The following ROBO1 variants were observed in gnomAD, a reference collection of about 807,000 sequenced individuals.
ROBO1 encodes the protein roundabout homolog 1.
In ROBO1, 149 loss-of-function variants were observed where a neutral mutation model predicts 195.9. The observed-to-expected ratio is 0.76, with a 90% CI of 0.67 to 0.87. ROBO1 has a LOEUF of 0.87. Among genes scored for constraint, ROBO1 ranks in the 40% least tolerant of loss-of-function variants. The probability of loss-of-function intolerance (pLI) is 0.00; values close to 1 mark genes in which losing one functional copy is unlikely to be tolerated. For missense variants in ROBO1, 1,933 were observed against 2,068.3 expected, an observed-to-expected ratio of 0.93 and a Z score of 1.27; for synonymous variants, 816 against 733.2, an observed-to-expected ratio of 1.11 and a Z score of -1.82.
chr3:79,290,507 T>C (rs895208879), intron 2 of ROBO1, among the ~76,000 whole-genome samples: 1 of 152,128 alleles, frequency 6.6e-6, no homozygotes, highest in African/African-American at 2.4e-5. Context: ...TTTTCTTGGT[T>C]ACTTGTTTAT....
rs200339831 is a variant in ROBO1 at position 79,498,915 on chromosome 3, ATATT to A, written c.88+90905_88+90908del. Reference sequence around the variant, plus strand: ...TACCATATGAAAAATTATAAAATGAATATTTAGTCAACTATATCCCTTGTTTACT... The same window carrying A: ...TACCATATGAAAAATTATAAAATGAATAGTCAACTATATCCCTTGTTTACT... On this transcript the variant is annotated intron_variant, in intron 2 of 30. Coordinates refer to ENST00000464233, the MANE Select transcript of ROBO1 (RefSeq NM_002941.4). 5.7e-3 allele frequency among the ~76,000 whole-genome samples: 873 copies of A among 152,320 alleles called. 7 individuals are homozygous for A. The highest frequency in any genetic ancestry group is 0.02 in the African/African-American group (831 of 41,572).
chr3:79,077,054 A>G (rs1277138397), intron 3 of ROBO1, among the ~76,000 whole-genome samples: 1 of 151,922 alleles, frequency 6.6e-6, no homozygotes, highest in African/African-American at 2.4e-5. Context: ...GTGACTTGGT[A>G]TATGTATTCA....
At chr3:78,806,325 G>A (rs538174278) in intron 4 of ROBO1, among the ~76,000 whole-genome samples, 4 of 152,112 alleles carry the variant, frequency 2.6e-5, no homozygotes, top group South Asian at 4.2e-4. Context: ...GCTAACCAAC[G>A]CAGCACCTGA....
At chr3:79,040,393 C>T (rs995780337) in intron 3 of ROBO1, among the ~76,000 whole-genome samples, 26 of 152,110 alleles carry the variant, frequency 1.7e-4, no homozygotes, top group Non-Finnish European at 3.8e-4. Context: ...CATTGAATTA[C>T]TCTTACCGTT....
In ROBO1 at chr3:78,668,269, G is replaced by C. The variant is rs538422791; in HGVS notation, c.1664C>G (p.Thr555Ser). The stretch of plus-strand genomic sequence containing the variant: ...GGCACTAGGGATTAAATTTGGGTCA[G>C]TAGGTCTTGGAGGCTGAACTGGAAC... ...FGVPVQPPRP[T>S]DPNLIPSAPS... The change falls in exon 13 of 31, where the codon ACT (threonine) becomes AGT (serine). Residue 555 changes from threonine (T) to serine (S), a missense_variant. Physicochemically the swap from Thr to Ser is moderately conservative, Grantham distance 58 (BLOSUM62 1). Around this residue, in one of 3 missense-constraint regions of ROBO1, gnomAD observed 1,737 missense variants for 1,882.5 expected, o/e 0.92. Coordinates refer to ENST00000464233, the MANE Select transcript of ROBO1 (RefSeq NM_002941.4). The C allele has an allele frequency of 8.7e-6, 14 of 1,613,862 alleles. No homozygotes were observed. In the South Asian group the frequency reaches 1.5e-4, roughly 18 times the overall value.
At chr3:79,696,653 T>C (rs549887717) in intron 1 of ROBO1, among the ~76,000 whole-genome samples, 253 of 151,418 alleles carry the variant, frequency 1.7e-3, no homozygotes, top group African/African-American at 5.9e-3. Context: ...TAAACTGATC[T>C]CTAAAAAAGG....
intron 2 of ROBO1, among the ~76,000 whole-genome samples, chr3:79,583,312 T>G (rs1943718023): frequency 2.0e-5 from 3 of 151,994 alleles, no homozygotes; most frequent in Admixed American, 2.0e-4. Context: ...ACAATGACTC[T>G]TACATATGCC....
At chr3:78,726,660 A>G (rs2082168932) in intron 5 of ROBO1, among the ~76,000 whole-genome samples, 1 of 152,148 alleles carries the variant, frequency 6.6e-6, no homozygotes, top group East Asian at 1.9e-4. Context: ...TTTGACCTAG[A>G]GAATAGAGAG....
At chr3:78,724,434 G>A (rs2082115029) in intron 5 of ROBO1, among the ~76,000 whole-genome samples, 1 of 150,218 alleles carries the variant, frequency 6.7e-6, no homozygotes, top group Admixed American at 6.7e-5. Context: ...CCAGCACTTC[G>A]GGAGGCAGAG....
At chr3:79,273,489 C>T (rs976454099) in intron 2 of ROBO1, among the ~76,000 whole-genome samples, 1 of 151,728 alleles carries the variant, frequency 6.6e-6, no homozygotes, top group Non-Finnish European at 1.5e-5. Context: ...CTCATGGTAA[C>T]CTCAAATCAA....
intron 2 of ROBO1, among the ~76,000 whole-genome samples, chr3:79,273,047 C>T (rs1377779178): frequency 3.9e-5 from 6 of 152,012 alleles, no homozygotes; most frequent in Non-Finnish European, 5.9e-5. Flanking sequence ...TAAAGACCTT[C>T]GCAGACAAAC....
At chr3:78,691,274 G>C (rs1422946758) in intron 8 of ROBO1, among the ~76,000 whole-genome samples, 1 of 151,874 alleles carries the variant, frequency 6.6e-6, no homozygotes, top group Non-Finnish European at 1.5e-5. Flanking sequence ...TGAAATTTTG[G>C]ATTTTTTTTG....
chr3:79,137,624 G>A, intron 2 of ROBO1, among the ~76,000 whole-genome samples: 1 of 151,930 alleles, frequency 6.6e-6, no homozygotes, highest in East Asian at 1.9e-4. Flanking sequence ...CATGATCCTA[G>A]CCATCATCAT....
intron 9 of ROBO1, 40 bp from the exon 10 acceptor site, chr3:78,685,957 G>A (rs1406471475): frequency 6.8e-7 from 1 of 1,476,198 alleles, no homozygotes. Flanking sequence ...ATAAAAATAG[G>A]TTAATTGTTA....
At chr3:79,304,353 A>T (rs2033123680) in intron 2 of ROBO1, among the ~76,000 whole-genome samples, 1 of 152,222 alleles carries the variant, frequency 6.6e-6, no homozygotes, top group African/African-American at 2.4e-5. Flanking sequence ...TTTCAGTTAA[A>T]AAAAATACTA....
chr3:79,248,035 C>T (rs1369650178), intron 2 of ROBO1, among the ~76,000 whole-genome samples: 1 of 151,958 alleles, frequency 6.6e-6, no homozygotes, highest in African/African-American at 2.4e-5. Flanking sequence ...ATGATGTTCT[C>T]CTGATGTTTA....
chr3:79,220,430 A>T (rs1320310425), intron 2 of ROBO1, among the ~76,000 whole-genome samples: 1 of 152,080 alleles, frequency 6.6e-6, no homozygotes, highest in Admixed American at 6.6e-5. Flanking sequence ...TAAATAAACA[A>T]AAAATCAATG....
chr3:79,552,405 A>T (rs1942556300), intron 2 of ROBO1, among the ~76,000 whole-genome samples: 1 of 152,092 alleles, frequency 6.6e-6, no homozygotes, highest in African/African-American at 2.4e-5. Flanking sequence ...CAATAAAAGC[A>T]TTCATCTCAT....
At chr3:79,589,620 A>T (rs1168263849) in intron 2 of ROBO1, among the ~76,000 whole-genome samples, 2 of 151,706 alleles carry the variant, frequency 1.3e-5, no homozygotes, top group East Asian at 3.9e-4. Context: ...TTCTCTTGGG[A>T]ATTAATAAAG....
Sources: gnomAD v4.1 joint callset for allele counts (sites outside exome capture counted in the v4.1 genomes callset) on GRCh38, gnomAD v4.1.1 for gene constraint, gnomAD v4.1.1 regional missense constraint, MANE v1.5 for transcripts, NCBI Gene and HGNC (gene_info 2026-07-23, HGNC 2026-07-21) for gene names.